Variants in ANO2 observed in about 807,000 individuals in gnomAD.
ANO2 encodes the protein anoctamin 2, also known as anoctamin-2.
Under a neutral mutation model 124.2 loss-of-function variants are expected in ANO2, and 101 were observed. The observed-to-expected ratio is 0.81, with a 90% CI of 0.69 to 0.96. ANO2 has a LOEUF of 0.96. ANO2 is among the 40% of genes least tolerant of loss of function. The probability of loss-of-function intolerance (pLI) is 0.00; values close to 1 mark genes in which losing one functional copy is unlikely to be tolerated. For synonymous variants in ANO2, 486 were observed against 482.5 expected, an observed-to-expected ratio of 1.01 and a Z score of -0.09; for missense variants, 1,293 against 1,274.5, an observed-to-expected ratio of 1.01 and a Z score of -0.22.
chr12:5,769,728 AC>A lies in ANO2; in HGVS notation c.1056-18759del, dbSNP rs1292803160. On this transcript the variant is annotated intron_variant, in intron 10 of 24. Transcript: ENST00000682330. The surrounding 1 kb of genome is among the most constrained non-coding windows in gnomAD (Gnocchi z 4.0). ...ATAAAATCGCTCCATTTCTGCGTGC[AC>A]CCTTCATTCTAGGTACTCTGCTGAA... is the stretch of plus-strand genomic sequence containing the variant. 6.6e-6 allele frequency among the ~76,000 whole-genome samples: 1 copy of A among 152,158 alleles called. No homozygotes were observed. Among genetic ancestry groups the A allele is most frequent in the Non-Finnish European group, 1.5e-5 (1 of 68,022 alleles).
At chr12:5,587,375 G>A (rs554150422) in intron 20 of ANO2, among the ~76,000 whole-genome samples, 10 of 152,224 alleles carry the variant, frequency 6.6e-5, no homozygotes, top group East Asian at 3.9e-4. Context: ...AAACTCTTCC[G>A]GGATTAAACT....
In ANO2 at chr12:5,769,390, CA is replaced by C. The variant is rs1952004508; in HGVS notation, c.1056-18421del. On this transcript the variant is annotated intron_variant, in intron 10 of 24. Transcript: ENST00000682330. This position sits in a 1 kb window ranked among gnomAD's most constrained non-coding sequence, Gnocchi z 4.0. ...AGGCCCAAAGACCAAGAAAGAGAGCCAGGGGCCAGACGAGCAAACACTGAGT... is the reference window on the plus strand; with the variant it reads ...AGGCCCAAAGACCAAGAAAGAGAGCCGGGGCCAGACGAGCAAACACTGAGT... Among the ~76,000 whole-genome samples, 1 of 152,062 alleles carries C rather than the reference CA, an allele frequency of 6.6e-6. No homozygotes were observed. The highest frequency in any genetic ancestry group is 6.6e-5 in the Admixed American group (1 of 15,266).
chr12:5,927,922 G>A (rs188098728), intron 1 of ANO2, among the ~76,000 whole-genome samples: 1 of 152,328 alleles, frequency 6.6e-6, no homozygotes, highest in African/African-American at 2.4e-5. Context: ...GGGGGGAGGG[G>A]CAGGCACAGA....
At chr12:5,772,969 A>T (rs1952127593) in intron 10 of ANO2, among the ~76,000 whole-genome samples, 2 of 152,220 alleles carry the variant, frequency 1.3e-5, no homozygotes, top group South Asian at 4.1e-4. Flanking sequence ...CAGGAGGCTG[A>T]TGTCTGTGGA....
chr12:5,719,833 G>A (rs556034768), intron 14 of ANO2, among the ~76,000 whole-genome samples: 49 of 152,224 alleles, frequency 3.2e-4, no homozygotes, highest in African/African-American at 1.0e-3. Context: ...ACTAAGCTCC[G>A]GTTGAGTTGT....
intron 20 of ANO2, among the ~76,000 whole-genome samples, chr12:5,584,726 A>C (rs1198952864): frequency 6.6e-6 from 1 of 152,218 alleles, no homozygotes; most frequent in Admixed American, 6.5e-5. Context: ...AAGAATTGCA[A>C]GTGTCGATTG....
chr12:5,904,258 C>T lies in ANO2; in HGVS notation c.534+16782G>A, dbSNP rs142844592. On this transcript the variant is annotated intron_variant, in intron 3 of 24. Transcript: ENST00000682330. This position sits in a 1 kb window ranked among gnomAD's most constrained non-coding sequence, Gnocchi z 4.1. Reference sequence around the variant, plus strand: ...CATGGTCCTTGAAAAAGGAAAGAGCCAATATGATGTGATTTCCAGAACCTG... The same window carrying T: ...CATGGTCCTTGAAAAAGGAAAGAGCTAATATGATGTGATTTCCAGAACCTG... Among the ~76,000 whole-genome samples, 68 of 152,298 alleles carry T rather than the reference C, an allele frequency of 4.5e-4. No individual in the cohort carries two copies. The highest frequency in any genetic ancestry group is 1.6e-3 in the African/African-American group (67 of 41,566).
chr12:5,849,610 T>C (rs1167165229), intron 4 of ANO2, among the ~76,000 whole-genome samples: 1 of 152,200 alleles, frequency 6.6e-6, no homozygotes, highest in African/African-American at 2.4e-5. Flanking sequence ...AAATGCTTCC[T>C]TCCAAGATTC....
chr12:5,924,465 C>T (rs1412146083), intron 1 of ANO2, among the ~76,000 whole-genome samples: 4 of 152,174 alleles, frequency 2.6e-5, no homozygotes, highest in Non-Finnish European at 4.4e-5. Context: ...TGGGTAGCTT[C>T]TGAAAGGCCA....
chr12:5,689,646 T>G (rs1186465444), intron 14 of ANO2, among the ~76,000 whole-genome samples: 1 of 152,116 alleles, frequency 6.6e-6, no homozygotes, highest in Non-Finnish European at 1.5e-5. Context: ...GAATTTGGTG[T>G]GCTTTTCTTC....
chr12:5,605,830 C>T (rs1474507131), intron 19 of ANO2, among the ~76,000 whole-genome samples: 1 of 152,148 alleles, frequency 6.6e-6, no homozygotes, highest in Non-Finnish European at 1.5e-5. Flanking sequence ...AGCCACGCTG[C>T]TCGCCATGTA....
intron 14 of ANO2, among the ~76,000 whole-genome samples, chr12:5,722,040 C>G (rs1475621716): frequency 6.6e-6 from 1 of 152,056 alleles, no homozygotes; most frequent in African/African-American, 2.4e-5. Context: ...ATTCTTAAAC[C>G]TAATTACTAG....
intron 3 of ANO2, among the ~76,000 whole-genome samples, chr12:5,905,092 G>C (rs1359961041): frequency 2.0e-5 from 3 of 152,178 alleles, no homozygotes; most frequent in Non-Finnish European, 4.4e-5. Context: ...CAGTGACTGA[G>C]AGCTCAGGCT....
chr12:5,634,551 G>C (rs147623390), intron 16 of ANO2, among the ~76,000 whole-genome samples: 214 of 152,236 alleles, frequency 1.4e-3, no homozygotes, highest in African/African-American at 4.9e-3. Context: ...TGTGGTGCTC[G>C]GGCAACAGCG....
chr12:5,899,229 A>C (rs1286589313), intron 3 of ANO2, among the ~76,000 whole-genome samples: 1 of 152,162 alleles, frequency 6.6e-6, no homozygotes, highest in Non-Finnish European at 1.5e-5. Context: ...TCCTAATCAC[A>C]CCTCAGAGGA....
At chr12:5,791,935 T>A (rs1952710672) in intron 10 of ANO2, among the ~76,000 whole-genome samples, 1 of 152,184 alleles carries the variant, frequency 6.6e-6, no homozygotes, top group Non-Finnish European at 1.5e-5. Context: ...CTACAGCCAT[T>A]TATTTTATTT....
chr12:5,765,009 T>A (rs527521662), intron 10 of ANO2, among the ~76,000 whole-genome samples: 1 of 152,310 alleles, frequency 6.6e-6, no homozygotes, highest in Non-Finnish European at 1.5e-5. Context: ...TATAAACAGT[T>A]GACTATTCTG....
chr12:5,848,470 A>C (rs2137244735), intron 4 of ANO2, among the ~76,000 whole-genome samples: 1 of 152,152 alleles, frequency 6.6e-6, no homozygotes, highest in South Asian at 2.1e-4. Flanking sequence ...ACATGAATCA[A>C]GTAACCCCAG....
intron 16 of ANO2, among the ~76,000 whole-genome samples, chr12:5,626,625 G>A (rs7954634): frequency 0.018 from 2,734 of 151,696 alleles, 78 homozygotes; most frequent in African/African-American, 0.062. Flanking sequence ...ATTGCAGCAG[G>A]AAACAATTCC....
Sources: gnomAD v4.1 joint callset for allele counts (sites outside exome capture counted in the v4.1 genomes callset) on GRCh38, gnomAD v4.1.1 for gene constraint, Gnocchi (gnomAD v3.1) non-coding constraint, MANE v1.5 for transcripts, NCBI Gene and HGNC (gene_info 2026-07-23, HGNC 2026-07-21) for gene names.